FRMD3: variants seen among roughly 807,000 people sequenced by gnomAD.
FRMD3 encodes the protein FERM domain-containing protein 3.
A neutral mutation model predicts 70.2 loss-of-function variants in FRMD3; 33 were observed. The observed-to-expected ratio is 0.47, with a 90% confidence interval of 0.36 to 0.63. The LOEUF (loss-of-function observed/expected upper bound fraction) is 0.63. Among genes scored for constraint, FRMD3 ranks in the 20% least tolerant of loss-of-function variants. The pLI is 0.00. For synonymous variants in FRMD3, 279 were observed against 255.9 expected, an observed-to-expected ratio of 1.09 and a Z score of -0.86; for missense variants, 632 against 711.4, an observed-to-expected ratio of 0.89 and a Z score of 1.27.
At chr9:83,307,645 G>C (rs113529358) in intron 10 of FRMD3, among the ~76,000 whole-genome samples, 1 of 152,232 alleles carries the variant, frequency 6.6e-6, no homozygotes, top group African/African-American at 2.4e-5. Flanking sequence ...CCAGAGATTG[G>C]GGGGAGGAGG....
intron 12 of FRMD3, among the ~76,000 whole-genome samples, chr9:83,291,562 A>T (rs556789158): frequency 3.3e-5 from 5 of 151,680 alleles, no homozygotes; most frequent in African/African-American, 9.7e-5. Flanking sequence ...CTCCCAATGC[A>T]CACAGTCTCT....
chr9:83,244,223 A>C (rs1262815108), downstream of FRMD3, among the ~76,000 whole-genome samples: 1 of 152,042 alleles, frequency 6.6e-6, no homozygotes, highest in Non-Finnish European at 1.5e-5. Context: ...GTTGAGTCTC[A>C]TGCAGCTCTC....
intron 1 of FRMD3, among the ~76,000 whole-genome samples, chr9:83,393,937 T>TTTG (rs376918020): frequency 2.6e-5 from 3 of 116,972 alleles, no homozygotes; most frequent in Non-Finnish European, 3.6e-5. Context: ...TTTGTTTTTT[T>TTTG]TTGTTGTTGT....
chr9:83,426,950 T>C (rs910522626), intron 1 of FRMD3, among the ~76,000 whole-genome samples: 1 of 152,208 alleles, frequency 6.6e-6, no homozygotes, highest in Non-Finnish European at 1.5e-5. Context: ...GCTGGTTTTG[T>C]GAAACCAAAC....
chr9:83,330,834 A>T (rs1376739121), intron 6 of FRMD3, among the ~76,000 whole-genome samples: 2 of 152,254 alleles, frequency 1.3e-5, no homozygotes, highest in Non-Finnish European at 2.9e-5. Context: ...TGTAAGTGAC[A>T]CATCTCCATA....
chr9:83,271,899 C>T (rs1833566755), intron 13 of FRMD3, among the ~76,000 whole-genome samples: 1 of 152,192 alleles, frequency 6.6e-6, no homozygotes, highest in African/African-American at 2.4e-5. Flanking sequence ...TCTAAGACCT[C>T]CTTATCATGA....
the FRMD3 span, among the ~76,000 whole-genome samples, chr9:83,583,174 T>C: frequency 6.6e-6 from 1 of 152,260 alleles, no homozygotes; most frequent in Non-Finnish European, 1.5e-5. Context: ...TTATTTCTTA[T>C]TTTTACTGGC....
chr9:83,477,382 A>G (rs1210956558), intron 1 of FRMD3, among the ~76,000 whole-genome samples: 1 of 152,128 alleles, frequency 6.6e-6, no homozygotes, highest in Non-Finnish European at 1.5e-5. Context: ...CTGCCCCTAA[A>G]TCAGAGGTTC....
At chr9:83,404,566 C>A (rs188682909) in intron 1 of FRMD3, among the ~76,000 whole-genome samples, 1 of 152,288 alleles carries the variant, frequency 6.6e-6, no homozygotes, top group East Asian at 1.9e-4. Context: ...AAAATCAGAG[C>A]CCCTCTCAGG....
intron 1 of FRMD3, among the ~76,000 whole-genome samples, chr9:83,484,004 A>G (rs1828629658): frequency 6.6e-6 from 1 of 152,218 alleles, no homozygotes; most frequent in South Asian, 2.1e-4. Flanking sequence ...CTGAGTCACT[A>G]AAGAGAATTT....
intron 1 of FRMD3, among the ~76,000 whole-genome samples, chr9:83,490,550 G>A (rs1828793511): frequency 6.6e-6 from 1 of 151,996 alleles, no homozygotes; most frequent in Non-Finnish European, 1.5e-5. Context: ...CCAAAGTGCT[G>A]GGATTACAGA....
chr9:83,285,705 C>A (rs961990558), intron 13 of FRMD3, among the ~76,000 whole-genome samples: 1 of 152,188 alleles, frequency 6.6e-6, no homozygotes, highest in Non-Finnish European at 1.5e-5. Flanking sequence ...TGATAAAACA[C>A]AGAAGCACGG....
At chr9:83,273,051 G>T (rs930510485) in intron 13 of FRMD3, among the ~76,000 whole-genome samples, 51 of 3,760 alleles carry the variant, frequency 0.014, no homozygotes, top group African/African-American at 0.065. Context: ...TCCGGGAGGT[G>T]GGGGGGGGCG....
chr9:83,522,016 A>G (rs1829581828), intron 1 of FRMD3, among the ~76,000 whole-genome samples: 1 of 152,146 alleles, frequency 6.6e-6, no homozygotes, highest in Non-Finnish European at 1.5e-5. Flanking sequence ...CAGCATATCT[A>G]TACAGGAGAC....
chr9:83,467,156 A>C (rs943875082), intron 1 of FRMD3, among the ~76,000 whole-genome samples: 2 of 152,200 alleles, frequency 1.3e-5, no homozygotes, highest in South Asian at 4.1e-4. Flanking sequence ...GATAACAGAA[A>C]ACATTCATGG....
chr9:83,402,898 C>CTTT (rs559570925), intron 1 of FRMD3, among the ~76,000 whole-genome samples: 905 of 87,244 alleles, frequency 0.01, 23 homozygotes, highest in East Asian at 0.059. Flanking sequence ...TTCTTTCTTT[C>CTTT]TTTTTTTTTT....
intron 1 of FRMD3, among the ~76,000 whole-genome samples, chr9:83,431,424 A>C (rs1226203710): frequency 6.6e-6 from 1 of 152,212 alleles, no homozygotes; most frequent in East Asian, 1.9e-4. Context: ...ATGCTAGGAC[A>C]AACTGAATTA....
At chr9:83,294,170 AAG>A (rs931739149) in intron 12 of FRMD3, among the ~76,000 whole-genome samples, 1 of 152,202 alleles carries the variant, frequency 6.6e-6, no homozygotes, top group African/African-American at 2.4e-5. Flanking sequence ...ATCCTTATAA[AAG>A]AGGTCTGAGA....
intron 12 of FRMD3, among the ~76,000 whole-genome samples, chr9:83,292,159 T>TA (rs1182723735): frequency 1.0e-5 from 1 of 95,372 alleles, no homozygotes; most frequent in Non-Finnish European, 2.0e-5. Flanking sequence ...CATTAATAAA[T>TA]ACTTTTTTTT....
Sources: gnomAD v4.1 joint callset for allele counts (sites outside exome capture counted in the v4.1 genomes callset) on GRCh38, gnomAD v4.1.1 for gene constraint, MANE v1.5 for transcripts, NCBI Gene and HGNC (gene_info 2026-07-23, HGNC 2026-07-21) for gene names.